Variants in TENM1 observed in about 807,000 individuals in gnomAD.
TENM1 encodes teneurin transmembrane protein 1.
In TENM1, 35 loss-of-function variants were observed where a neutral mutation model predicts 174.8. That is an observed-to-expected ratio of 0.20 (90% CI 0.15 to 0.27). The LOEUF is 0.27. Ranked by LOEUF, TENM1 falls within the 10% of genes least tolerant of loss-of-function variation. The probability of loss-of-function intolerance (pLI) is 1.00; values close to 1 mark genes in which losing one functional copy is unlikely to be tolerated. For missense variants in TENM1, 1,633 were observed against 2,130.1 expected (o/e 0.77, Z 4.59); for synonymous variants, 781 against 798.7 (o/e 0.98, Z 0.37).
At chrX:124,928,598 G>C (rs1191935535) in intron 1 of TENM1, among the ~76,000 whole-genome samples, 1 of 111,671 alleles carries the variant, frequency 9.0e-6, no homozygotes, top group Non-Finnish European at 1.9e-5. Context: ...TTACAACTTT[G>C]GCACATTACC....
chrX:124,694,236 T>TCAAA (rs1201856442), intron 5 of TENM1, among the ~76,000 whole-genome samples: 2 of 111,506 alleles, frequency 1.8e-5, no homozygotes, highest in East Asian at 5.6e-4. Flanking sequence ...CTGAGATTGT[T>TCAAA]CAAACAGTTT....
At chrX:124,393,182 C>T (rs771757838) in intron 27 of TENM1, among the ~76,000 whole-genome samples, 7 of 110,178 alleles carry the variant, frequency 6.4e-5, no homozygotes, top group Admixed American at 1.9e-4. Context: ...CAGTATTCAA[C>T]GGTGCCTGAC....
At chrX:124,569,368 G>T (rs1306049178) in intron 11 of TENM1, among the ~76,000 whole-genome samples, 1 of 111,890 alleles carries the variant, frequency 8.9e-6, no homozygotes, top group Non-Finnish European at 1.9e-5. Flanking sequence ...AAATCAGAAA[G>T]AATATGAAAT....
At chrX:124,515,054 T>G (rs2047670545) in intron 18 of TENM1, among the ~76,000 whole-genome samples, 1 of 111,859 alleles carries the variant, frequency 8.9e-6, no homozygotes, top group African/African-American at 3.3e-5. Flanking sequence ...CATACTCAAA[T>G]TAATAAATGT....
the TENM1 span, among the ~76,000 whole-genome samples, chrX:125,178,094 G>C: frequency 9.0e-6 from 1 of 111,128 alleles, no homozygotes; most frequent in Non-Finnish European, 1.9e-5. Flanking sequence ...TACATAATCA[G>C]TCTCTAAGAT....
At position 124,924,319 on chromosome X, in the gene TENM1, T is replaced by A. The variant is rs577019824; in HGVS notation, c.218-28078A>T. Among the ~76,000 whole-genome samples, 21 of 112,012 alleles carry A rather than the reference T, an allele frequency of 1.9e-4. No individual in the cohort carries two copies. In the South Asian group the frequency reaches 7.8e-3, roughly 41 times the overall value. ...ATACTATCTGAAGTCTAACTGTCTT[T>A]TAAATTTATAAGCAACAGATAACAT... On this transcript the variant is annotated intron_variant, in intron 1 of 31. Coordinates refer to ENST00000422452, the Ensembl canonical transcript of TENM1.
At chrX:124,965,780 C>T (rs780406590), upstream of TENM1, among the ~76,000 whole-genome samples, 1 of 110,955 alleles carries the variant, frequency 9.0e-6, no homozygotes, top group Admixed American at 9.6e-5. Flanking sequence ...GTCTACACAC[C>T]CATAACTTCT....
chrX:124,477,900 A>G (rs1297226981), intron 22 of TENM1, among the ~76,000 whole-genome samples: 1 of 112,085 alleles, frequency 8.9e-6, no homozygotes, highest in Non-Finnish European at 1.9e-5. Context: ...TCAGTGGTAC[A>G]TGTGTAGTAT....
rs186496804 is a variant in TENM1, at chrX:124,492,301, C to G, written c.3695+4715G>C. On this transcript the variant is annotated intron_variant, in intron 20 of 31. Transcript: ENST00000422452. Reference sequence around the variant, plus strand: ...AAATTAACTGATCTTAAGAAAAATACTGGTATGAAGTGAGGTTTTTATCTA... The same window carrying G: ...AAATTAACTGATCTTAAGAAAAATAGTGGTATGAAGTGAGGTTTTTATCTA... 4.2e-4 allele frequency among the ~76,000 whole-genome samples: 47 copies of G among 111,503 alleles called. No individual in the cohort carries two copies. In the South Asian group the frequency reaches 5.3e-3, roughly 13 times the overall value.
At chrX:124,740,516 G>T (rs942751897) in intron 3 of TENM1, among the ~76,000 whole-genome samples, 6 of 111,243 alleles carry the variant, frequency 5.4e-5, no homozygotes, top group African/African-American at 2.0e-4. Flanking sequence ...TACATATATG[G>T]ATATTTTGAT....
chrX:124,428,974 T>C (rs892311753), intron 23 of TENM1, among the ~76,000 whole-genome samples: 1 of 112,262 alleles, frequency 8.9e-6, no homozygotes, highest in African/African-American at 3.2e-5. Flanking sequence ...CACATGAAAT[T>C]ACAGGCCCAG....
intron 22 of TENM1, among the ~76,000 whole-genome samples, chrX:124,469,484 A>G (rs1470582497): frequency 9.0e-6 from 1 of 111,168 alleles, no homozygotes; most frequent in Non-Finnish European, 1.9e-5. Flanking sequence ...GTACTATTCC[A>G]AAGTCTCTGG....
chrX:124,524,745 A>G (rs2047935010), intron 16 of TENM1, among the ~76,000 whole-genome samples: 1 of 109,226 alleles, frequency 9.2e-6, no homozygotes, highest in Admixed American at 9.7e-5. Flanking sequence ...AGACTATTGC[A>G]TTGGAGCTGA....
exon 5 of TENM1, chrX:124,705,141 G>A: frequency 1.7e-6 from 2 of 1,211,575 alleles, no homozygotes; most frequent in Non-Finnish European, 2.2e-6. Context: ...GGTGCTTCGA[G>A]GAAGAGGCCT....
intron 3 of TENM1, among the ~76,000 whole-genome samples, chrX:124,828,367 C>G (rs1249884066): frequency 8.9e-6 from 1 of 112,057 alleles, no homozygotes; most frequent in Middle Eastern, 4.2e-3. Flanking sequence ...AGTGCCCGCT[C>G]TATGCTATAC....
chrX:125,194,737 T>A, the TENM1 span, among the ~76,000 whole-genome samples: 1 of 111,715 alleles, frequency 9.0e-6, no homozygotes, highest in African/African-American at 3.3e-5. Flanking sequence ...CAGGCTCGGA[T>A]AGGAAATAAA....
chrX:124,639,753 CAATAAT>C (rs2050966172), intron 11 of TENM1, among the ~76,000 whole-genome samples: 1 of 111,092 alleles, frequency 9.0e-6, no homozygotes, highest in African/African-American at 3.3e-5. Flanking sequence ...GTGTTTGCTA[CAATAAT>C]AATAACATTA....
At chrX:125,051,971 C>G in the TENM1 span, among the ~76,000 whole-genome samples, 1 of 110,176 alleles carries the variant, frequency 9.1e-6, no homozygotes, top group East Asian at 2.9e-4. Flanking sequence ...TATCCAGAAT[C>G]TACAATGAAC....
the TENM1 span, among the ~76,000 whole-genome samples, chrX:125,120,570 T>G: frequency 2.1e-4 from 23 of 110,879 alleles, no homozygotes; most frequent in Non-Finnish European, 4.0e-4. Context: ...TTACAATCAC[T>G]TGTATGTTAG....
Sources: allele counts gnomAD v4.1 joint callset (sites outside exome capture counted in the v4.1 genomes callset), GRCh38; gene constraint gnomAD v4.1.1; transcripts MANE v1.5; gene names NCBI Gene and HGNC (gene_info 2026-07-23, HGNC 2026-07-21).